PPP3CC: variants seen among roughly 807,000 people sequenced by gnomAD.
PPP3CC encodes the protein protein phosphatase 3 catalytic subunit gamma.
PPP3CC carries 35 observed loss-of-function variants against 60.3 expected under a neutral mutation model. The observed-to-expected ratio is 0.58, with a 90% CI of 0.44 to 0.77. The LOEUF (loss-of-function observed/expected upper bound fraction) is 0.77, where lower values mean the gene tolerates loss of function less well. Ranked by LOEUF, PPP3CC falls within the 30% of genes least tolerant of loss-of-function variation. The pLI is 0.00. For missense variants in PPP3CC, 570 were observed against 628.9 expected (o/e 0.91, Z 1.00); for synonymous variants, 206 against 224.3 (o/e 0.92, Z 0.73).
rs371248525 is a variant in PPP3CC at position 22,505,095 on chromosome 8, C to T, written c.485-5991C>T. ...AGGCTGGAGTGCAGTGGCACAATCTCGGCTCACTGCAACCTCCGCCTCCCA... is the reference window on the plus strand; with the variant it reads ...AGGCTGGAGTGCAGTGGCACAATCTTGGCTCACTGCAACCTCCGCCTCCCA... On this transcript the variant is annotated intron_variant, in intron 4 of 13. Transcript: ENST00000240139. Among the ~76,000 whole-genome samples the T allele has an allele frequency of 4.4e-4, 63 of 144,478 alleles. No homozygotes were observed. The South Asian group carries it at 7.3e-3, about 17-fold the overall frequency. The allele number at this position is 144,478 out of a possible 152,430, so 94.8% of individuals were successfully genotyped here.
In PPP3CC at chr8:22,445,323, C is replaced by T. The variant is rs556901666; in HGVS notation, c.49+3865C>T. Among the ~76,000 whole-genome samples the T allele has an allele frequency of 4.6e-5, 7 of 152,220 alleles. No individual in the cohort carries two copies. In the South Asian group the frequency reaches 1.5e-3, roughly 32 times the overall value. ...ATACTTCATTTCTTTCCACAACTCT[C>T]CCCCGACTCTCCCTTTTTTATATCC... is the stretch of plus-strand genomic sequence containing the variant. On this transcript the variant is annotated intron_variant, in intron 1 of 13. Coordinates refer to ENST00000240139, the MANE Select transcript of PPP3CC (RefSeq NM_005605.5).
At chr8:22,470,684 G>A (rs1392110966) in intron 1 of PPP3CC, among the ~76,000 whole-genome samples, 8 of 152,126 alleles carry the variant, frequency 5.3e-5, no homozygotes, top group Admixed American at 5.2e-4. Context: ...TACTCATCAG[G>A]GAAATGCAAA....
rs2132452832 is a variant in PPP3CC, at chr8:22,465,337, G to A, written c.50-9617G>A. Among the ~76,000 whole-genome samples, 2 of 152,220 alleles carry A rather than the reference G, an allele frequency of 1.3e-5. 1 individual carries two copies. The highest frequency in any genetic ancestry group is 4.2e-4 in the South Asian group (2 of 4,818). On this transcript the variant is annotated intron_variant, in intron 1 of 13. Transcript: ENST00000240139. ...TATGATCCCCAGAAAGCATATGTTG[G>A]CTGCCTGGGTGATGGGTATACTAGA...
chr8:22,489,071 C>T (rs1838304351), intron 3 of PPP3CC, among the ~76,000 whole-genome samples: 1 of 151,128 alleles, frequency 6.6e-6, no homozygotes, highest in African/African-American at 2.4e-5. Context: ...GTGACGTATT[C>T]ACATTTATGT....
Position 22,475,137 on chromosome 8 carries a change from A to G in PPP3CC, c.233A>G (p.Asp78Gly). 3 of 1,611,182 alleles carry G rather than the reference A, an allele frequency of 1.9e-6. No individual in the cohort carries two copies. Among genetic ancestry groups the G allele is most frequent in the Non-Finnish European group, 2.5e-6 (3 of 1,178,058 alleles). ...LRQEKTMIEV[D>G]APITVCGDIH... ...CAAGAGAAGACTATGATAGAAGTAG[A>G]TGCTCCAATCACAGGTATAAAAAGT... Residue 78 changes from aspartate to glycine, a missense_variant, in exon 2 of 14, where the codon GAT (aspartate) becomes GGT (glycine). By Grantham distance (94) the Asp-to-Gly change is moderately conservative. Coordinates refer to ENST00000240139, the MANE Select transcript of PPP3CC (RefSeq NM_005605.5).
At chr8:22,494,243 T>A (rs1446588670) in intron 3 of PPP3CC, among the ~76,000 whole-genome samples, 1 of 152,092 alleles carries the variant, frequency 6.6e-6, no homozygotes, top group Non-Finnish European at 1.5e-5. Context: ...GGCCTCAGAA[T>A]CATGGCAGGA....
chr8:22,464,323 C>T (rs1310931177), intron 1 of PPP3CC, among the ~76,000 whole-genome samples: 1 of 151,902 alleles, frequency 6.6e-6, no homozygotes, highest in Non-Finnish European at 1.5e-5. Flanking sequence ...ACCTAGTGGC[C>T]ATTTATTATA....
At chr8:22,519,514 T>C (rs753370683) in intron 6 of PPP3CC, among the ~76,000 whole-genome samples, 2 of 152,256 alleles carry the variant, frequency 1.3e-5, no homozygotes, top group Non-Finnish European at 2.9e-5. Flanking sequence ...GTGTATCTAC[T>C]GTGCTTTTTT....
At chr8:22,459,771 G>A (rs571656936) in intron 1 of PPP3CC, among the ~76,000 whole-genome samples, 7 of 152,186 alleles carry the variant, frequency 4.6e-5, no homozygotes, top group African/African-American at 1.7e-4. Flanking sequence ...GGTATTAGGA[G>A]GTATGGTCTT....
intron 12 of PPP3CC, among the ~76,000 whole-genome samples, chr8:22,533,930 G>A (rs908915504): frequency 2.6e-5 from 4 of 152,026 alleles, no homozygotes; most frequent in Non-Finnish European, 5.9e-5. Context: ...CGGGAGCGGT[G>A]GCTCACGCCT....
At chr8:22,533,312 G>C (rs1489925172) in intron 12 of PPP3CC, among the ~76,000 whole-genome samples, 1 of 152,114 alleles carries the variant, frequency 6.6e-6, no homozygotes, top group Non-Finnish European at 1.5e-5. Flanking sequence ...ACCTTAAAAA[G>C]CCAGTTGAAT....
At chr8:22,540,547 A>G in intron 13 of PPP3CC, 68 bp from the exon 14 acceptor site, 1 of 1,487,236 alleles carries the variant, frequency 6.7e-7, no homozygotes, top group Middle Eastern at 2.5e-4. Flanking sequence ...GTGCTAAGAA[A>G]CTTTTTTTAA....
intron 1 of PPP3CC, among the ~76,000 whole-genome samples, chr8:22,443,297 C>T (rs1306617491): frequency 6.6e-6 from 1 of 152,016 alleles, no homozygotes; most frequent in Non-Finnish European, 1.5e-5. Context: ...CCCATATAGG[C>T]AGATCACTGA....
At chr8:22,450,463 CTCTT>C (rs1228302016) in intron 1 of PPP3CC, among the ~76,000 whole-genome samples, 4 of 152,194 alleles carry the variant, frequency 2.6e-5, no homozygotes, top group Non-Finnish European at 5.9e-5. Flanking sequence ...TCAGGCCAGA[CTCTT>C]TCTTCTCCAT....
intron 4 of PPP3CC, among the ~76,000 whole-genome samples, chr8:22,499,969 T>C (rs983847214): frequency 4.6e-5 from 7 of 152,216 alleles, no homozygotes; most frequent in African/African-American, 1.7e-4. Context: ...TGTTCACTGT[T>C]GTTTTCCCCA....
intron 3 of PPP3CC, among the ~76,000 whole-genome samples, chr8:22,495,963 C>T (rs556408116): frequency 6.6e-6 from 1 of 152,322 alleles, no homozygotes; most frequent in South Asian, 2.1e-4. Flanking sequence ...TTTTCACCTA[C>T]ACCAGGCTTA....
intron 1 of PPP3CC, among the ~76,000 whole-genome samples, chr8:22,450,799 T>TTTTTTTTA (rs1554527138): frequency 2.3e-5 from 3 of 133,270 alleles, no homozygotes; most frequent in African/African-American, 8.3e-5. Flanking sequence ...CCTACTTTAT[T>TTTTTTTTA]TTTATTTATT....
intron 5 of PPP3CC, among the ~76,000 whole-genome samples, chr8:22,512,731 A>G (rs1387926006): frequency 2.0e-5 from 3 of 152,200 alleles, no homozygotes; most frequent in Non-Finnish European, 4.4e-5. Flanking sequence ...TACGATTAGG[A>G]TGTAAGAGGG....
intron 6 of PPP3CC, among the ~76,000 whole-genome samples, chr8:22,520,810 G>C (rs1839386565): frequency 1.3e-5 from 2 of 152,034 alleles, no homozygotes; most frequent in Admixed American, 1.3e-4. Context: ...TATTTATTTA[G>C]GGCCAGTTAC....
Sources: gnomAD v4.1 joint callset for allele counts (sites outside exome capture counted in the v4.1 genomes callset) on GRCh38, gnomAD v4.1.1 for gene constraint, MANE v1.5 for transcripts, NCBI Gene and HGNC (gene_info 2026-07-23, HGNC 2026-07-21) for gene names.